ACSS3: variants seen among roughly 807,000 people sequenced by gnomAD.
ACSS3 encodes acyl-CoA synthetase short chain family member 3.
A neutral mutation model predicts 84.2 loss-of-function variants in ACSS3; 64 were observed. The ratio of observed to expected loss-of-function variants is 0.76; its 90% CI spans 0.62 to 0.94. The LOEUF (loss-of-function observed/expected upper bound fraction) is 0.94. ACSS3 is among the 40% of genes least tolerant of loss of function. The pLI is 0.00. For synonymous variants in ACSS3, 317 were observed against 310.1 expected (o/e 1.02, Z -0.23); for missense variants, 815 against 867.6 (o/e 0.94, Z 0.76).
intron 11 of ACSS3, among the ~76,000 whole-genome samples, chr12:81,222,263 G>A (rs1200552314): frequency 6.6e-6 from 1 of 151,756 alleles, no homozygotes; most frequent in Admixed American, 6.6e-5. Flanking sequence ...TCCTCTCTTA[G>A]GTTAACAGTG....
intron 2 of ACSS3, among the ~76,000 whole-genome samples, chr12:81,115,837 A>G (rs184409805): frequency 4.4e-4 from 67 of 152,218 alleles, no homozygotes; most frequent in African/African-American, 1.5e-3. Context: ...CCTGTTTAAA[A>G]AATAATTAAT....
At chr12:81,191,331 C>A (rs1242309851) in intron 8 of ACSS3, among the ~76,000 whole-genome samples, 1 of 152,032 alleles carries the variant, frequency 6.6e-6, no homozygotes, top group Non-Finnish European at 1.5e-5. Flanking sequence ...TGTTATCCCC[C>A]TCTTCCTTTC....
chr12:81,133,590 A>C (rs1545082), intron 2 of ACSS3, among the ~76,000 whole-genome samples: 47,192 of 151,896 alleles, frequency 0.31, 7,603 homozygotes, highest in Admixed American at 0.44. Context: ...TACATGTCTT[A>C]CAAAACTGTT....
intron 2 of ACSS3, among the ~76,000 whole-genome samples, chr12:81,113,686 G>T (rs555724472): frequency 6.6e-6 from 1 of 152,138 alleles, no homozygotes; most frequent in East Asian, 1.9e-4. Context: ...TTTTACTGCA[G>T]GAATGTCTTA....
chr12:81,203,792 A>G (rs2032216305), intron 9 of ACSS3, among the ~76,000 whole-genome samples: 1 of 152,214 alleles, frequency 6.6e-6, no homozygotes, highest in African/African-American at 2.4e-5. Flanking sequence ...TATAAAAGCC[A>G]AATTGTCATT....
At chr12:81,219,365 A>T (rs1208703965) in intron 10 of ACSS3, among the ~76,000 whole-genome samples, 1 of 152,158 alleles carries the variant, frequency 6.6e-6, no homozygotes, top group Non-Finnish European at 1.5e-5. Flanking sequence ...TTAAGGTAGA[A>T]TTACCTGGAT....
In ACSS3 at chr12:81,199,376, A is replaced by T. The variant is rs753462848; in HGVS notation, c.1286A>T (p.Asp429Val). The change falls in exon 9 of 16, where the codon GAT becomes GTT. Residue 429 changes from aspartate to valine, a missense_variant. Transcript: ENST00000548058. ...TTATTTGTGGCTGGAGAACGATGTG[A>T]TGTAGAGACCCTGGAATGGTCCAAA... is the stretch of plus-strand genomic sequence containing the variant. The part of the protein sequence containing the change: ...KTLFVAGERC[D>V]VETLEWSKNV... 2 of 1,613,714 alleles carry T rather than the reference A, an allele frequency of 1.2e-6. No individual in the cohort carries two copies. Among genetic ancestry groups the T allele is most frequent in the East Asian group, 2.2e-5 (1 of 44,832 alleles).
At chr12:81,144,993 C>T (rs1159866859) in intron 5 of ACSS3, among the ~76,000 whole-genome samples, 2 of 149,498 alleles carry the variant, frequency 1.3e-5, no homozygotes, top group Non-Finnish European at 3.0e-5. Flanking sequence ...CTCCACCTCC[C>T]GGGTTCACGC....
chr12:81,212,936 A>C (rs1409048305), intron 9 of ACSS3, among the ~76,000 whole-genome samples: 1 of 152,128 alleles, frequency 6.6e-6, no homozygotes, highest in Non-Finnish European at 1.5e-5. Flanking sequence ...TTCCCTGTTC[A>C]TCTTCTTCCT....
intron 11 of ACSS3, 141 bp from the exon 12 acceptor site, chr12:81,230,916 C>G: frequency 1.5e-6 from 1 of 674,398 alleles, no homozygotes. Context: ...TAGACATGAT[C>G]TGTCCAGCAG....
intron 3 of ACSS3, among the ~76,000 whole-genome samples, chr12:81,137,430 G>A (rs1384920779): frequency 6.6e-6 from 1 of 151,798 alleles, no homozygotes; most frequent in Non-Finnish European, 1.5e-5. Flanking sequence ...AATTGGGCAG[G>A]TCAAATGTAA....
At chr12:81,116,288 C>A (rs1884039721) in intron 2 of ACSS3, among the ~76,000 whole-genome samples, 1 of 151,940 alleles carries the variant, frequency 6.6e-6, no homozygotes, top group Admixed American at 6.6e-5. Flanking sequence ...AAGCACTAGA[C>A]AAATTTTAAT....
chr12:81,197,442 C>T (rs1233889534), intron 8 of ACSS3, among the ~76,000 whole-genome samples: 1 of 152,018 alleles, frequency 6.6e-6, no homozygotes, highest in Non-Finnish European at 1.5e-5. Flanking sequence ...GTTTTGTGGC[C>T]CATCTTCTGT....
At chr12:81,181,747 CAA>C (rs59878486) in intron 8 of ACSS3, among the ~76,000 whole-genome samples, 836 of 47,872 alleles carry the variant, frequency 0.017, 11 homozygotes, top group African/African-American at 0.077. Flanking sequence ...ATCAATTAAG[CAA>C]AAAAAAAAAA....
intron 8 of ACSS3, among the ~76,000 whole-genome samples, chr12:81,177,552 A>G (rs908017132): frequency 2.0e-4 from 31 of 152,154 alleles, no homozygotes; most frequent in African/African-American, 7.0e-4. Flanking sequence ...GAAAATTTTC[A>G]CAACCTACTC....
At chr12:81,115,931 G>C (rs1044269110) in intron 2 of ACSS3, among the ~76,000 whole-genome samples, 2 of 152,072 alleles carry the variant, frequency 1.3e-5, no homozygotes, top group African/African-American at 4.8e-5. Context: ...AGAATATTAT[G>C]CAACAGGAAG....
intron 7 of ACSS3, among the ~76,000 whole-genome samples, chr12:81,169,278 G>A (rs1342154533): frequency 6.6e-6 from 1 of 152,148 alleles, no homozygotes; most frequent in Non-Finnish European, 1.5e-5. Flanking sequence ...GTATTTATAA[G>A]TAAATTTTCA....
intron 13 of ACSS3, among the ~76,000 whole-genome samples, chr12:81,233,709 T>C (rs2033540990): frequency 1.3e-5 from 2 of 151,630 alleles, no homozygotes; most frequent in Admixed American, 6.6e-5. Flanking sequence ...TTTTTGTTTA[T>C]GGGAAAGCCT....
chr12:81,195,439 T>G (rs900618018), intron 8 of ACSS3, among the ~76,000 whole-genome samples: 4 of 152,112 alleles, frequency 2.6e-5, no homozygotes, highest in Non-Finnish European at 4.4e-5. Flanking sequence ...TAATTTAATG[T>G]TTAAATAATT....
Sources: allele counts gnomAD v4.1 joint callset (sites outside exome capture counted in the v4.1 genomes callset), GRCh38; gene constraint gnomAD v4.1.1; transcripts MANE v1.5; gene names NCBI Gene and HGNC (gene_info 2026-07-23, HGNC 2026-07-21).